Variants in WWOX observed in about 807,000 individuals in gnomAD.
WWOX encodes WW domain containing oxidoreductase, also known as WW domain-containing oxidoreductase.
Under a neutral mutation model 46.2 loss-of-function variants are expected in WWOX, and 69 were observed. The ratio of observed to expected loss-of-function variants is 1.49; its 90% CI spans 1.23 to 1.82. WWOX has a LOEUF of 1.82. Among genes scored for constraint, WWOX ranks in the 40% most tolerant of loss-of-function variants. The pLI, the probability that WWOX is intolerant of heterozygous loss-of-function variation, is 0.00. For synonymous variants in WWOX, 359 were observed against 202.6 expected (o/e 1.77, Z -6.56); for missense variants, 919 against 542.6 (o/e 1.69, Z -6.89).
chr16:79,041,876 C>T (rs2047978052), intron 8 of WWOX, among the ~76,000 whole-genome samples: 1 of 152,096 alleles, frequency 6.6e-6, no homozygotes, highest in Non-Finnish European at 1.5e-5. Context: ...TGTCCTTTCT[C>T]ACACGTGTTT....
chr16:78,350,537 A>G (rs1349568568), intron 5 of WWOX, among the ~76,000 whole-genome samples: 2 of 121,110 alleles, frequency 1.7e-5, no homozygotes, highest in Non-Finnish European at 3.9e-5. Context: ...TAGACTTTTC[A>G]TATAAATAAA....
At chr16:78,536,577 C>G (rs753512816) in intron 8 of WWOX, among the ~76,000 whole-genome samples, 1 of 152,090 alleles carries the variant, frequency 6.6e-6, no homozygotes, top group Admixed American at 6.6e-5. Flanking sequence ...ATATGGTAGC[C>G]AAGGACAGTA....
chr16:78,444,062 C>A (rs1456369375), intron 8 of WWOX, among the ~76,000 whole-genome samples: 1 of 152,150 alleles, frequency 6.6e-6, no homozygotes, highest in African/African-American at 2.4e-5. Context: ...CTAGCAAAAA[C>A]AAAGAGGGCT....
intron 8 of WWOX, among the ~76,000 whole-genome samples, chr16:78,635,676 G>T (rs1303593406): frequency 6.6e-6 from 1 of 152,082 alleles, no homozygotes; most frequent in Non-Finnish European, 1.5e-5. Flanking sequence ...GCACTAAGAC[G>T]GTGAGTACTC....
intron 8 of WWOX, among the ~76,000 whole-genome samples, chr16:78,864,589 C>G (rs1222873634): frequency 1.3e-5 from 2 of 151,680 alleles, no homozygotes; most frequent in Non-Finnish European, 2.9e-5. Context: ...CTTTTTGAAA[C>G]AGGGCTGCAC....
intron 8 of WWOX, among the ~76,000 whole-genome samples, chr16:78,530,807 GC>G (rs1435948193): frequency 2.6e-5 from 4 of 152,186 alleles, no homozygotes; most frequent in African/African-American, 9.7e-5. Context: ...GCATCTAGCT[GC>G]TGCTAGAGAT....
In WWOX at chr16:78,753,087, G is replaced by T. The variant is rs1214495957; in HGVS notation, c.1056+320335G>T. ...AGGCGGGTGGATCACCTGAGGTCAG[G>T]AGATGGAGACCATCCTGGCTAACAT... On this transcript the variant is annotated intron_variant, in intron 8 of 8. Transcript: ENST00000566780. 4.6e-5 allele frequency among the ~76,000 whole-genome samples: 7 copies of T among 152,306 alleles called. No homozygotes were observed. The East Asian group carries it at 1.2e-3, about 25-fold the overall frequency.
intron 5 of WWOX, among the ~76,000 whole-genome samples, chr16:78,366,721 C>T (rs1036053329): frequency 2.0e-5 from 3 of 152,150 alleles, no homozygotes; most frequent in African/African-American, 7.2e-5. Context: ...AAAATGCTTA[C>T]TATCTGGCCC....
intron 8 of WWOX, among the ~76,000 whole-genome samples, chr16:78,866,730 C>G (rs754005101): frequency 4.6e-5 from 7 of 152,150 alleles, no homozygotes; most frequent in Non-Finnish European, 1.0e-4. Context: ...TGGCAATAAA[C>G]CAGGAATGCA....
intron 8 of WWOX, among the ~76,000 whole-genome samples, chr16:79,035,877 G>T (rs545649971): frequency 1.3e-5 from 2 of 152,236 alleles, no homozygotes; most frequent in African/African-American, 4.8e-5. Flanking sequence ...TTACAGGCGT[G>T]AGCCACTACA....
At chr16:78,572,438 T>C (rs2044739440) in intron 8 of WWOX, among the ~76,000 whole-genome samples, 1 of 151,684 alleles carries the variant, frequency 6.6e-6, no homozygotes, top group African/African-American at 2.4e-5. Context: ...CTACTAAAAA[T>C]ACAAAAATTA....
At chr16:78,328,237 A>C (rs1247993175) in intron 5 of WWOX, among the ~76,000 whole-genome samples, 1 of 152,064 alleles carries the variant, frequency 6.6e-6, no homozygotes, top group Non-Finnish European at 1.5e-5. Context: ...TTCAAAAAAC[A>C]ACAAGTGGCA....
chr16:78,874,232 G>A (rs1182686969), intron 8 of WWOX, among the ~76,000 whole-genome samples: 1 of 150,592 alleles, frequency 6.6e-6, no homozygotes, highest in African/African-American at 2.5e-5. Context: ...CTCTAGCATG[G>A]GCGACAGAGC....
At chr16:78,324,647 A>C (rs1420499348) in intron 5 of WWOX, among the ~76,000 whole-genome samples, 3 of 152,180 alleles carry the variant, frequency 2.0e-5, no homozygotes, top group Non-Finnish European at 4.4e-5. Flanking sequence ...AATGTGAGTG[A>C]ACCTGGTAAA....
chr16:79,098,688 A>G (rs74034950), intron 8 of WWOX, among the ~76,000 whole-genome samples: 1 of 152,142 alleles, frequency 6.6e-6, no homozygotes, highest in Admixed American at 6.5e-5. Context: ...AATTGCACAC[A>G]ATACATGTCT....
At chr16:78,704,814 T>C (rs1334940203) in intron 8 of WWOX, among the ~76,000 whole-genome samples, 1 of 152,146 alleles carries the variant, frequency 6.6e-6, no homozygotes, top group Non-Finnish European at 1.5e-5. Flanking sequence ...GGAAAACAAC[T>C]GAGGCTGAGC....
chr16:78,841,029 G>A (rs1024664012), intron 8 of WWOX, among the ~76,000 whole-genome samples: 1 of 152,024 alleles, frequency 6.6e-6, no homozygotes, highest in Non-Finnish European at 1.5e-5. Context: ...GATGCCATAG[G>A]CAGTCCAATA....
chr16:78,911,999 A>T (rs1459366642), intron 8 of WWOX, among the ~76,000 whole-genome samples: 1 of 152,040 alleles, frequency 6.6e-6, no homozygotes, highest in Non-Finnish European at 1.5e-5. Flanking sequence ...CCTTACCCAG[A>T]AAAATACACA....
intron 8 of WWOX, among the ~76,000 whole-genome samples, chr16:78,766,619 G>A (rs2049930075): frequency 1.3e-5 from 2 of 152,132 alleles, no homozygotes; most frequent in Admixed American, 1.3e-4. Context: ...CATGCTCAGA[G>A]GCCTTGTGAG....
Sources: gnomAD v4.1 joint callset for allele counts (sites outside exome capture counted in the v4.1 genomes callset) on GRCh38, gnomAD v4.1.1 for gene constraint, MANE v1.5 for transcripts, NCBI Gene and HGNC (gene_info 2026-07-23, HGNC 2026-07-21) for gene names.